STXBP6: variants seen among roughly 807,000 people sequenced by gnomAD.
STXBP6 encodes the protein syntaxin-binding protein 6.
In STXBP6, 21 loss-of-function variants were observed where a neutral mutation model predicts 26.9. That is an observed-to-expected ratio of 0.78 (90% CI 0.55 to 1.12). The LOEUF (loss-of-function observed/expected upper bound fraction) is 1.12. Among genes scored for constraint, STXBP6 ranks in the 50% most tolerant of loss-of-function variants. The probability of loss-of-function intolerance (pLI) is 0.00; values close to 1 mark genes in which losing one functional copy is unlikely to be tolerated. For missense variants in STXBP6, 232 were observed against 257.9 expected (o/e 0.90, Z 0.69); for synonymous variants, 97 against 92.6 (o/e 1.05, Z -0.27).
chr14:24,960,174 G>A (rs1454746090), intron 2 of STXBP6, among the ~76,000 whole-genome samples: 1 of 152,232 alleles, frequency 6.6e-6, no homozygotes, highest in Non-Finnish European at 1.5e-5. Context: ...TCTGGGGGCA[G>A]ATTGAGAGCA....
chr14:24,909,249 G>A (rs2071485762), intron 2 of STXBP6, among the ~76,000 whole-genome samples: 1 of 152,212 alleles, frequency 6.6e-6, no homozygotes, highest in Non-Finnish European at 1.5e-5. Flanking sequence ...AGGTTTGCGA[G>A]TCAGAACCCC....
chr14:24,951,440 A>C (rs2073167216), intron 2 of STXBP6, among the ~76,000 whole-genome samples: 1 of 152,024 alleles, frequency 6.6e-6, no homozygotes, highest in Non-Finnish European at 1.5e-5. Flanking sequence ...ATGGCATCTC[A>C]TTGTGGTTTT....
intron 2 of STXBP6, among the ~76,000 whole-genome samples, chr14:24,882,919 G>C (rs2070427748): frequency 6.6e-6 from 1 of 152,120 alleles, no homozygotes; most frequent in Admixed American, 6.5e-5. Flanking sequence ...CTGCTCCTGA[G>C]AAAATAATAG....
At chr14:24,962,679 C>T (rs2073588837) in intron 2 of STXBP6, among the ~76,000 whole-genome samples, 1 of 151,938 alleles carries the variant, frequency 6.6e-6, no homozygotes, top group Non-Finnish European at 1.5e-5. Flanking sequence ...TTCTGGTGGA[C>T]TGGGGTTTTA....
At chr14:25,039,755 G>A (rs1279588518) in intron 1 of STXBP6, among the ~76,000 whole-genome samples, 1 of 150,904 alleles carries the variant, frequency 6.6e-6, no homozygotes, top group Non-Finnish European at 1.5e-5. Flanking sequence ...TGCCCAGGCT[G>A]GAGTGCAGTG....
At chr14:24,986,570 C>T (rs529035142) in intron 1 of STXBP6, among the ~76,000 whole-genome samples, 2 of 152,296 alleles carry the variant, frequency 1.3e-5, no homozygotes, top group Non-Finnish European at 2.9e-5. Flanking sequence ...TATTCCAGGC[C>T]CTGGTAAACA....
chr14:24,932,931 T>C (rs2072469114), intron 2 of STXBP6, among the ~76,000 whole-genome samples: 1 of 152,182 alleles, frequency 6.6e-6, no homozygotes, highest in Non-Finnish European at 1.5e-5. Context: ...CTAGTAGACA[T>C]ATGAATGGAA....
rs1299003733 is a variant in STXBP6 at position 24,811,939 on chromosome 14, C to T, written c.*770G>A. 2 of 152,126 alleles carry T rather than the reference C, an allele frequency of 1.3e-5. No homozygotes were observed. Among genetic ancestry groups the T allele is most frequent in the African/African-American group, 4.8e-5 (2 of 41,428 alleles). The allele number at this position is 152,126 out of a possible 1,614,324, so 9.4% of individuals were successfully genotyped here. On this transcript the variant is annotated 3_prime_UTR_variant, in exon 6 of 6. Coordinates refer to ENST00000323944, the MANE Select transcript of STXBP6 (RefSeq NM_001394410.1). The stretch of plus-strand genomic sequence containing the variant: ...GTGACAAGAGAAACATCTGTGAGTA[C>T]ACAGAGGGTTTTAGGTAGGCTTTTC...
chr14:24,867,565 T>A (rs141719243), intron 2 of STXBP6, among the ~76,000 whole-genome samples: 1 of 152,150 alleles, frequency 6.6e-6, no homozygotes, highest in Non-Finnish European at 1.5e-5. Flanking sequence ...GACAGTCTTT[T>A]CAACAAATGG....
At chr14:24,949,867 G>A (rs2073105853) in intron 2 of STXBP6, among the ~76,000 whole-genome samples, 1 of 152,072 alleles carries the variant, frequency 6.6e-6, no homozygotes, top group South Asian at 2.1e-4. Context: ...TATTCAAACC[G>A]TGTTCAAATA....
intron 1 of STXBP6, among the ~76,000 whole-genome samples, chr14:25,038,974 G>A (rs2075598738): frequency 6.6e-6 from 1 of 152,120 alleles, no homozygotes; most frequent in Non-Finnish European, 1.5e-5. Flanking sequence ...TTGACATAGT[G>A]TATTCTATAC....
chr14:24,944,377 C>A (rs1566497763), intron 2 of STXBP6, among the ~76,000 whole-genome samples: 1 of 152,142 alleles, frequency 6.6e-6, no homozygotes, highest in Non-Finnish European at 1.5e-5. Flanking sequence ...AAAATTCTAA[C>A]TAAAGTTATT....
intron 4 of STXBP6, among the ~76,000 whole-genome samples, chr14:24,823,431 C>G (rs1205156782): frequency 6.6e-6 from 1 of 152,076 alleles, no homozygotes; most frequent in East Asian, 1.9e-4. Context: ...ATTTGATCAC[C>G]CTACACATCA....
intron 2 of STXBP6, among the ~76,000 whole-genome samples, chr14:24,968,037 C>G (rs537670665): frequency 1.9e-4 from 29 of 151,636 alleles, no homozygotes; most frequent in African/African-American, 6.8e-4. Flanking sequence ...AACATACCAC[C>G]CAATAAATAG....
intron 2 of STXBP6, among the ~76,000 whole-genome samples, chr14:24,882,342 G>A (rs1296072807): frequency 8.8e-6 from 1 of 113,006 alleles, no homozygotes; most frequent in East Asian, 2.8e-4. Flanking sequence ...TCCCGCCACT[G>A]CACTCCAGCC....
At chr14:24,917,740 A>C (rs752259286) in intron 2 of STXBP6, among the ~76,000 whole-genome samples, 1 of 152,154 alleles carries the variant, frequency 6.6e-6, no homozygotes, top group Non-Finnish European at 1.5e-5. Flanking sequence ...AGACAAAAAA[A>C]AGATAAATTA....
At chr14:24,870,546 T>C (rs913944964) in intron 2 of STXBP6, among the ~76,000 whole-genome samples, 1 of 152,206 alleles carries the variant, frequency 6.6e-6, no homozygotes, top group African/African-American at 2.4e-5. Context: ...CTAAGATACA[T>C]TATTTTAGTG....
intron 1 of STXBP6, among the ~76,000 whole-genome samples, chr14:25,028,272 C>T (rs368002148): frequency 6.6e-6 from 1 of 152,156 alleles, no homozygotes; most frequent in Admixed American, 6.5e-5. Context: ...CAAGGCCTTG[C>T]TGCAAACCTT....
chr14:24,888,341 C>T (rs2070663612), intron 2 of STXBP6, among the ~76,000 whole-genome samples: 1 of 152,140 alleles, frequency 6.6e-6, no homozygotes, highest in Non-Finnish European at 1.5e-5. Context: ...CAAAGCAACC[C>T]ACCCAATATA....
Sources: allele counts gnomAD v4.1 joint callset (sites outside exome capture counted in the v4.1 genomes callset), GRCh38; gene constraint gnomAD v4.1.1; transcripts MANE v1.5; gene names NCBI Gene and HGNC (gene_info 2026-07-23, HGNC 2026-07-21).